The following KPNA4 variants were observed in gnomAD, a reference collection of about 807,000 sequenced individuals.
KPNA4 encodes the protein karyopherin subunit alpha 4.
KPNA4 carries 13 observed loss-of-function variants against 71.3 expected under a neutral mutation model. That is an observed-to-expected ratio of 0.18 (90% CI 0.12 to 0.29). The LOEUF (loss-of-function observed/expected upper bound fraction) is 0.29. KPNA4 is among the 10% of genes least tolerant of loss of function. KPNA4 has a pLI of 1.00. For synonymous variants in KPNA4, 189 were observed against 195.2 expected (o/e 0.97, Z 0.26); for missense variants, 334 against 603.2 (o/e 0.55, Z 4.67).
At chr3:160,545,838 C>T (rs1721892832) in intron 1 of KPNA4, among the ~76,000 whole-genome samples, 1 of 148,042 alleles carries the variant, frequency 6.8e-6, no homozygotes, top group Non-Finnish European at 1.5e-5. Flanking sequence ...ACAGAACCTG[C>T]AAAATTTGCT....
chr3:160,506,743 T>TTAAAAAAATCAAGTAGTAAAA (rs1275790695), intron 15 of KPNA4, among the ~76,000 whole-genome samples: 4 of 152,256 alleles, frequency 2.6e-5, no homozygotes, highest in Non-Finnish European at 5.9e-5. Context: ...AATAATTAAG[T>TTAAAAAAATCAAGTAGTAAAA]ATGCCTATTG....
intron 1 of KPNA4, among the ~76,000 whole-genome samples, chr3:160,550,393 GA>G (rs1465187235): frequency 6.6e-6 from 1 of 152,128 alleles, no homozygotes; most frequent in Admixed American, 6.5e-5. Context: ...AAGTAGCTGG[GA>G]CTCCATGTGC....
At chr3:160,508,298 G>A (rs1240391986) in intron 14 of KPNA4, 29 bp from the exon 15 acceptor site, 4 of 1,500,646 alleles carry the variant, frequency 2.7e-6, no homozygotes, top group African/African-American at 1.4e-5. Flanking sequence ...ATAAAATAAT[G>A]CAATATAGGT....
intron 5 of KPNA4, among the ~76,000 whole-genome samples, chr3:160,532,658 T>C (rs1203897327): frequency 2.6e-5 from 4 of 152,226 alleles, no homozygotes; most frequent in Non-Finnish European, 5.9e-5. Flanking sequence ...TGGAACACCC[T>C]GTATTACTAT....
chr3:160,565,105 C>T, intron 1 of KPNA4, 109 bp downstream of exon 1: 2 of 904,726 alleles, frequency 2.2e-6, no homozygotes, highest in Non-Finnish European at 3.5e-6. Context: ...AGCGCCATTC[C>T]CCGAGGCCTG....
intron 1 of KPNA4, among the ~76,000 whole-genome samples, chr3:160,538,049 T>C (rs545045187): frequency 1.3e-5 from 2 of 151,744 alleles, no homozygotes; most frequent in Non-Finnish European, 2.9e-5. Context: ...CTTTGGCAGT[T>C]TGGTATAATC....
At chr3:160,545,604 A>G (rs528813002) in intron 1 of KPNA4, among the ~76,000 whole-genome samples, 5 of 152,348 alleles carry the variant, frequency 3.3e-5, no homozygotes, top group African/African-American at 1.2e-4. Flanking sequence ...AATGGAGGCT[A>G]GCCACTGCAC....
chr3:160,518,174 C>CT, intron 11 of KPNA4, among the ~76,000 whole-genome samples: 2 of 150,416 alleles, frequency 1.3e-5, no homozygotes, highest in African/African-American at 4.9e-5. Context: ...GTCACCCAGG[C>CT]TGGAGTGCAG....
intron 1 of KPNA4, among the ~76,000 whole-genome samples, chr3:160,561,463 T>C (rs1722244635): frequency 6.6e-6 from 1 of 152,052 alleles, no homozygotes; most frequent in African/African-American, 2.4e-5. Flanking sequence ...AGCCACGCCA[T>C]GGTGAATATC....
In KPNA4 at chr3:160,525,977, G is replaced by A. The variant is rs2272490; in HGVS notation, c.687C>T (p.Arg229=). 3,842 of 1,590,918 alleles carry A rather than the reference G, an allele frequency of 2.4e-3. 41 individuals carry two copies. The East Asian group carries it at 0.038, about 16-fold the overall frequency. ...NVTWVMVNLC[R]HKDPPPPMET... is the part of the protein sequence containing the mutation. The stretch of plus-strand genomic sequence containing the variant: ...CCATTGGTGGTGGTGGGTCTTTGTG[G>A]CGACATAAGTTGACCATAACCCAAG... Residue 229 remains arginine, a synonymous_variant, in exon 9 of 17, where the codon CGC becomes CGT. Coordinates refer to ENST00000334256, the MANE Select transcript of KPNA4 (RefSeq NM_002268.5).
chr3:160,521,971 G>A (rs1047559473), intron 10 of KPNA4, 61 bp from the exon 11 acceptor site: 1 of 1,437,022 alleles, frequency 7.0e-7, no homozygotes, highest in Non-Finnish European at 9.5e-7. Context: ...AGTAATTCTT[G>A]ACCAAACAAC....
In KPNA4 at chr3:160,525,946, T is replaced by C; in HGVS notation, c.718A>G (p.Ile240Val). 6.4e-7 allele frequency: 1 copy of C among 1,572,080 alleles called. No homozygotes were observed. The highest frequency in any genetic ancestry group is 8.6e-7 in the Non-Finnish European group (1 of 1,162,862). The change falls in exon 9 of 17, where the codon ATT becomes GTT. Residue 240 changes from isoleucine (I) to valine (V), a missense_variant. Transcript: ENST00000334256. ...HKDPPPPMET[I>V]QEILPALCVL... ...TTTTTAAAAGTGTTTACCTCCTGAA[T>C]GGTTTCCATTGGTGGTGGTGGGTCT... is the stretch of plus-strand genomic sequence containing the variant.
chr3:160,509,789 G>C lies in KPNA4; in HGVS notation c.1209+11C>G. The C allele has an allele frequency of 6.5e-7, 1 of 1,548,064 alleles. No individual in the cohort carries two copies. The highest frequency in any genetic ancestry group is 8.9e-7 in the Non-Finnish European group (1 of 1,120,974). On this transcript the variant is annotated intron_variant, in intron 14 of 16. Coordinates refer to ENST00000334256, the MANE Select transcript of KPNA4 (RefSeq NM_002268.5). ...AGTTTTGAGAAATAAATTTTAAAAAGCTCAACTTACTTGATCTTTCCTTCC... is the reference window on the plus strand; with the variant it reads ...AGTTTTGAGAAATAAATTTTAAAAACCTCAACTTACTTGATCTTTCCTTCC...
At chr3:160,518,289 C>A (rs1453558340) in intron 11 of KPNA4, among the ~76,000 whole-genome samples, 16 of 151,832 alleles carry the variant, frequency 1.1e-4, no homozygotes, top group Non-Finnish European at 1.0e-4. Flanking sequence ...GCGCCCGCTA[C>A]CACGCCCGGC....
rs376278839 is a variant in KPNA4, at chr3:160,521,854, T to C, written c.828A>G (p.Gln276=). ...TTCCAGAGTCTATTACCATCTGTAT[T>C]TGTTCATTGCCAGCATCAGTAAGGT... ...LSYLTDAGNE[Q]IQMVIDSGIV... The change falls in exon 11 of 17, where the codon CAA becomes CAG. Residue 276 remains glutamine (Q), a synonymous_variant. Transcript: ENST00000334256. 1.7e-5 allele frequency: 27 copies of C among 1,612,984 alleles called. No homozygotes were observed. Among genetic ancestry groups the C allele is most frequent in the African/African-American group, 4.0e-5 (3 of 74,906 alleles).
At chr3:160,528,227 G>A (rs990777360) in intron 7 of KPNA4, among the ~76,000 whole-genome samples, 188 bp from the exon 8 acceptor site, 4 of 151,882 alleles carry the variant, frequency 2.6e-5, no homozygotes, top group African/African-American at 9.7e-5. Context: ...TATTTACTCA[G>A]TATCAAAATG....
chr3:160,496,849 T>C lies in KPNA4; in HGVS notation c.*5255A>G, dbSNP rs1407761815. 1 of 152,316 alleles carries C rather than the reference T, an allele frequency of 6.6e-6. No homozygotes were observed. 9.4% of individuals were successfully genotyped at this position (152,316 alleles called of 1,614,324 possible). ...TCAACTGCTCTTACACCCAGAGCAG[T>C]AGCTGTCAAGTCAATTTTATTGAAA... On this transcript the variant is annotated 3_prime_UTR_variant, in exon 17 of 17. Transcript: ENST00000334256.
chr3:160,556,021 G>C (rs1261548752), intron 1 of KPNA4, among the ~76,000 whole-genome samples: 1 of 152,066 alleles, frequency 6.6e-6, no homozygotes, highest in Non-Finnish European at 1.5e-5. Flanking sequence ...AGTAGAGACG[G>C]GGTTTCTCCA....
chr3:160,544,869 T>G (rs1431066051), intron 1 of KPNA4, among the ~76,000 whole-genome samples: 3 of 152,246 alleles, frequency 2.0e-5, no homozygotes, highest in Non-Finnish European at 4.4e-5. Flanking sequence ...AACATTTTCC[T>G]TCTATGTTAT....
Sources: gnomAD v4.1 joint callset for allele counts (sites outside exome capture counted in the v4.1 genomes callset) on GRCh38, gnomAD v4.1.1 for gene constraint, MANE v1.5 for transcripts, NCBI Gene and HGNC (gene_info 2026-07-23, HGNC 2026-07-21) for gene names.